FRMPD4: variants seen among roughly 807,000 people sequenced by gnomAD.
The protein encoded by FRMPD4 is FERM and PDZ domain-containing protein 4.
Under a neutral mutation model 94.1 loss-of-function variants are expected in FRMPD4, and 22 were observed. That is an observed-to-expected ratio of 0.23 (90% CI 0.17 to 0.33). The LOEUF (loss-of-function observed/expected upper bound fraction) is 0.33. Among genes scored for constraint, FRMPD4 ranks in the 10% least tolerant of loss-of-function variants. FRMPD4 has a pLI of 1.00. For missense variants in FRMPD4, 1,111 were observed against 1,339.9 expected, an observed-to-expected ratio of 0.83 and a Z score of 2.67; for synonymous variants, 631 against 548.6, an observed-to-expected ratio of 1.15 and a Z score of -2.10.
intron 3 of FRMPD4, among the ~76,000 whole-genome samples, chrX:12,048,929 C>T (rs747681502): frequency 9.0e-6 from 1 of 111,353 alleles, no homozygotes; most frequent in South Asian, 3.8e-4. Flanking sequence ...TGATGCCTCC[C>T]ACTTTATTCT....
chrX:12,542,945 A>G (rs995625304), intron 2 of FRMPD4, among the ~76,000 whole-genome samples: 16 of 111,506 alleles, frequency 1.4e-4, no homozygotes, highest in African/African-American at 5.2e-4. Flanking sequence ...CACATCTACA[A>G]CCATCTGATC....
intron 3 of FRMPD4, among the ~76,000 whole-genome samples, chrX:11,941,744 G>A (rs5933936): frequency 0.35 from 38,886 of 111,166 alleles, 5,433 homozygotes; most frequent in East Asian, 0.82. Flanking sequence ...GAGACTAAAG[G>A]CATGGAAGTT....
intron 3 of FRMPD4, among the ~76,000 whole-genome samples, chrX:12,075,216 C>CTAA (rs1569153860): frequency 1.8e-5 from 2 of 111,669 alleles, no homozygotes; most frequent in African/African-American, 6.5e-5. Context: ...CTAAACCAAT[C>CTAA]TAATGTACAT....
intron 1 of FRMPD4, among the ~76,000 whole-genome samples, chrX:12,309,057 C>G (rs767772201): frequency 1.8e-5 from 2 of 112,322 alleles, no homozygotes; most frequent in Non-Finnish European, 3.8e-5. Flanking sequence ...TCAAGCTTTG[C>G]GGGCTATATA....
chrX:12,474,720 A>G (rs1346537615), intron 1 of FRMPD4, among the ~76,000 whole-genome samples: 1 of 112,002 alleles, frequency 8.9e-6, no homozygotes, highest in Non-Finnish European at 1.9e-5. Context: ...GAAAAAATGG[A>G]TAAATTCCTC....
At chrX:12,107,756 C>T (rs2055313138) in intron 3 of FRMPD4, among the ~76,000 whole-genome samples, 1 of 111,674 alleles carries the variant, frequency 9.0e-6, no homozygotes, top group Admixed American at 9.5e-5. Context: ...AACCATGGCA[C>T]ATGAACTATG....
chrX:12,625,024 A>G (rs751459601), intron 4 of FRMPD4, among the ~76,000 whole-genome samples: 3 of 112,190 alleles, frequency 2.7e-5, no homozygotes, highest in African/African-American at 9.7e-5. Context: ...ACCAACAGGT[A>G]TATAAAAAAT....
intron 1 of FRMPD4, among the ~76,000 whole-genome samples, chrX:12,297,733 G>C: frequency 8.9e-6 from 1 of 111,988 alleles, no homozygotes. Flanking sequence ...AGCATTGTAG[G>C]AGATAGATGA....
At chrX:12,501,180 A>G (rs375097548) in intron 2 of FRMPD4, among the ~76,000 whole-genome samples, 3 of 112,632 alleles carry the variant, frequency 2.7e-5, no homozygotes, top group African/African-American at 9.7e-5. Flanking sequence ...ACACTGGCCT[A>G]ATGCCCACTG....
chrX:12,141,246 G>A (rs1473831589), intron 1 of FRMPD4, among the ~76,000 whole-genome samples: 1 of 111,855 alleles, frequency 8.9e-6, no homozygotes, highest in Non-Finnish European at 1.9e-5. Flanking sequence ...GATCAGCATG[G>A]TTACTTCAGT....
At chrX:12,474,240 T>C (rs1331183696) in intron 1 of FRMPD4, among the ~76,000 whole-genome samples, 2 of 110,436 alleles carry the variant, frequency 1.8e-5, no homozygotes, top group African/African-American at 3.4e-5. Flanking sequence ...AAGGCAGAAA[T>C]AAAGATGTTC....
intron 1 of FRMPD4, among the ~76,000 whole-genome samples, chrX:11,834,062 A>G (rs189348555): frequency 3.5e-3 from 393 of 111,345 alleles, no homozygotes; most frequent in African/African-American, 0.012. Flanking sequence ...TTACCTCCAC[A>G]TAGCCTAGCC....
intron 2 of FRMPD4, among the ~76,000 whole-genome samples, chrX:12,540,478 C>T (rs2058395549): frequency 9.0e-6 from 1 of 111,368 alleles, no homozygotes; most frequent in South Asian, 3.8e-4. Context: ...CAACAAAGAT[C>T]AAAAGAGAAA....
intron 1 of FRMPD4, among the ~76,000 whole-genome samples, chrX:12,205,375 A>C (rs2147728302): frequency 8.9e-6 from 1 of 112,072 alleles, no homozygotes; most frequent in African/African-American, 3.2e-5. Flanking sequence ...ATTTTGAAAT[A>C]TGAGTTAAGA....
At chrX:12,620,431 C>CAGTT (rs1360307453) in intron 4 of FRMPD4, among the ~76,000 whole-genome samples, 4 of 112,290 alleles carry the variant, frequency 3.6e-5, no homozygotes, top group Non-Finnish European at 7.5e-5. Flanking sequence ...AGTCCAGGAC[C>CAGTT]AGTTATGCTT....
upstream of FRMPD4, among the ~76,000 whole-genome samples, chrX:12,136,890 A>T (rs886858958): frequency 1.0e-5 from 1 of 97,576 alleles, no homozygotes; most frequent in African/African-American, 3.7e-5. Context: ...TCTACGTTAA[A>T]ACACACACAC....
At chrX:12,298,867 G>T (rs1488129166) in intron 1 of FRMPD4, among the ~76,000 whole-genome samples, 1 of 112,234 alleles carries the variant, frequency 8.9e-6, no homozygotes, top group Non-Finnish European at 1.9e-5. Context: ...AGAGAGCTAA[G>T]CACATCTGGG....
intron 3 of FRMPD4, among the ~76,000 whole-genome samples, chrX:11,878,330 T>C (rs997197396): frequency 1.3e-4 from 15 of 112,154 alleles, no homozygotes; most frequent in African/African-American, 4.5e-4. Context: ...AAAGAAAAAC[T>C]GATTTTAGCT....
intron 3 of FRMPD4, among the ~76,000 whole-genome samples, chrX:11,887,835 C>G (rs1304935495): frequency 8.9e-6 from 1 of 111,839 alleles, no homozygotes; most frequent in African/African-American, 3.3e-5. Context: ...GCTCACATTA[C>G]CAGTATATCA....
Sources: allele counts gnomAD v4.1 joint callset (sites outside exome capture counted in the v4.1 genomes callset), GRCh38; gene constraint gnomAD v4.1.1; transcripts MANE v1.5; gene names NCBI Gene and HGNC (gene_info 2026-07-23, HGNC 2026-07-21).